Variants in COPE observed in about 807,000 individuals in gnomAD.
COPE encodes the protein coatomer subunit epsilon.
Under a neutral mutation model 42.1 loss-of-function variants are expected in COPE, and 19 were observed. That is an observed-to-expected ratio of 0.45 (90% confidence interval 0.31 to 0.66). COPE has a LOEUF of 0.66. Ranked by LOEUF, COPE falls within the 30% of genes least tolerant of loss-of-function variation. The probability of loss-of-function intolerance (pLI) is 0.05; values close to 1 mark genes in which losing one functional copy is unlikely to be tolerated. For missense variants in COPE, 402 were observed against 416.1 expected, an observed-to-expected ratio of 0.97 and a Z score of 0.30; for synonymous variants, 195 against 181.3, an observed-to-expected ratio of 1.08 and a Z score of -0.60.
intron 1 of COPE, 116 bp from the exon 2 acceptor site, chr19:18,913,162 T>G (rs1601232230): frequency 1.1e-6 from 1 of 906,328 alleles, no homozygotes; most frequent in Non-Finnish European, 1.8e-6. Context: ...TCCGGCAGGG[T>G]TGGAGGTCTG....
chr19:18,911,123 A>G (rs763526068), intron 2 of COPE, 52 bp from the exon 3 acceptor site: 10 of 1,534,906 alleles, frequency 6.5e-6, no homozygotes, highest in Non-Finnish European at 9.0e-6. Flanking sequence ...GAGGATTTCC[A>G]TGTCTTCAGC....
intron 8 of COPE, 125 bp downstream of exon 8, chr19:18,900,256 T>G (rs1601204947): frequency 1.3e-6 from 1 of 772,780 alleles, no homozygotes; most frequent in Non-Finnish European, 2.1e-6. Flanking sequence ...GTGAGGGAGG[T>G]GGGCTGCGGT....
chr19:18,907,230 GAGC>G, intron 3 of COPE, 118 bp from the exon 4 acceptor site: 1 of 1,094,058 alleles, frequency 9.1e-7, no homozygotes, highest in African/African-American at 1.6e-5. Context: ...TGGGGGTGCA[GAGC>G]AGCAGCAGGC....
intron 1 of COPE, 85 bp downstream of exon 1, chr19:18,919,138 T>G: frequency 6.8e-7 from 1 of 1,468,964 alleles, no homozygotes; most frequent in Non-Finnish European, 9.3e-7. Flanking sequence ...AGAGAAAGTT[T>G]TTAGACGCAG....
chr19:18,912,901 CCCA>C, intron 2 of COPE, 80 bp downstream of exon 2: 2 of 1,385,286 alleles, frequency 1.4e-6, no homozygotes, highest in Non-Finnish European at 2.0e-6. Flanking sequence ...GTCCCCGCCA[CCCA>C]CTCTGTGGTG....
chr19:18,913,016 C>G lies in COPE; in HGVS notation c.157G>C (p.Asp53His). 1 of 1,611,906 alleles carries G rather than the reference C, an allele frequency of 6.2e-7. No individual in the cohort carries two copies. Among genetic ancestry groups the G allele is most frequent in the Non-Finnish European group, 8.5e-7 (1 of 1,179,902 alleles). The stretch of plus-strand genomic sequence containing the variant: ...AGGTACGCTCTATACAGGAAGACGT[C>G]CCTCTCCACGTCTCTCTCTGGGCTT... The part of the protein sequence containing the change: ...LSSPERDVER[D>H]VFLYRAYLAQ... The change falls in exon 2 of 10, where the codon GAC (aspartate) becomes CAC (histidine). Residue 53 changes from aspartate (D) to histidine (H), a missense_variant. Asp to His is a moderately conservative substitution (Grantham distance 81). Transcript: ENST00000262812.
chr19:18,917,654 C>A (rs1314810127), intron 1 of COPE, among the ~76,000 whole-genome samples: 2 of 151,982 alleles, frequency 1.3e-5, no homozygotes, highest in African/African-American at 4.8e-5. Flanking sequence ...TGAACCACCG[C>A]GCCCGGCCAG....
chr19:18,907,326 G>A lies in COPE; in HGVS notation c.291-214C>T, dbSNP rs1183081893. The stretch of plus-strand genomic sequence containing the variant: ...CTGGGCCAGGCAAGGACCCGAGGCC[G>A]GGAGATGTGGGGTGGGGCGCTCCAA... On this transcript the variant is annotated intron_variant, in intron 3 of 9. Transcript: ENST00000262812. Among the ~76,000 whole-genome samples the A allele has an allele frequency of 2.6e-5, 4 of 152,122 alleles. No homozygotes were observed. The East Asian group carries it at 5.8e-4, about 22-fold the overall frequency.
chr19:18,903,253 C>A lies in COPE; in HGVS notation c.735+15G>T. On this transcript the variant is annotated intron_variant, in intron 7 of 9. Transcript: ENST00000262812. The stretch of plus-strand genomic sequence containing the variant: ...CCTTCCCTCCGTCCCCACTCTGGGA[C>A]AGGCTTGTGCCTACCTTGTCTAGCG... 1 of 1,559,412 alleles carries A rather than the reference C, an allele frequency of 6.4e-7. No homozygotes were observed. The highest frequency in any genetic ancestry group is 8.7e-7 in the Non-Finnish European group (1 of 1,152,458).
At chr19:18,917,281 A>T in intron 1 of COPE, among the ~76,000 whole-genome samples, 1 of 124,908 alleles carries the variant, frequency 8.0e-6, no homozygotes. Flanking sequence ...CTCACTTTTG[A>T]CATAGTAAGA....
chr19:18,914,801 GTTGGAGTGCAGTGGCGTGTATC>G (rs1334615145), intron 1 of COPE, among the ~76,000 whole-genome samples: 7 of 148,690 alleles, frequency 4.7e-5, no homozygotes, highest in Admixed American at 2.0e-4. Context: ...TGTCACCCAG[GTTGGAGTGCAGTGGCGTGTATC>G]TCGGCTCACT....
At chr19:18,908,178 C>A (rs2056778316) in intron 3 of COPE, among the ~76,000 whole-genome samples, 1 of 152,136 alleles carries the variant, frequency 6.6e-6, no homozygotes, top group Admixed American at 6.5e-5. Context: ...ACACCTGTAA[C>A]CCCAGCGCTT....
rs553710496 is a variant in COPE at position 18,910,788 on chromosome 19, C to T, written c.290+183G>A. ...CCTTTGAAGCAGGATCCATCACCAG[C>T]CCCCCACTGCTGTGCAGGTGAGGGA... is the stretch of plus-strand genomic sequence containing the variant. On this transcript the variant is annotated intron_variant, in intron 3 of 9. Transcript: ENST00000262812. 20 of 611,300 alleles carry T rather than the reference C, an allele frequency of 3.3e-5. No individual in the cohort carries two copies. The African/African-American group carries it at 3.7e-4, about 11-fold the overall frequency. 37.9% of individuals were successfully genotyped at this position (611,300 alleles called of 1,614,324 possible). A position where few individuals can be genotyped will look rare whatever the true frequency, so the allele number is the denominator to read the frequency against.
At chr19:18,900,228 T>C (rs896472751) in intron 8 of COPE, among the ~76,000 whole-genome samples, 153 bp downstream of exon 8, 3 of 150,718 alleles carry the variant, frequency 2.0e-5, no homozygotes, top group South Asian at 2.1e-4. Context: ...TGAGGATGGG[T>C]TGGGGGGCAC....
chr19:18,919,236 GCCT>G lies in COPE; in HGVS notation c.110_112del (p.Glu37del). ...GCGCGGCCGCACCTTCACCCGCTGC[GCCT>G]CGTTTATGCACTGCTGGTAGCTGCC... On this transcript the variant is annotated inframe_deletion, in exon 1 of 10. Transcript: ENST00000262812. The G allele has an allele frequency of 1.2e-6, 2 of 1,611,940 alleles. No homozygotes were observed. The highest frequency in any genetic ancestry group is 1.7e-6 in the Non-Finnish European group (2 of 1,178,914).
At chr19:18,900,480 G>C (rs1313362194) in intron 7 of COPE, 31 bp from the exon 8 acceptor site, 3 of 1,526,448 alleles carry the variant, frequency 2.0e-6, no homozygotes, top group African/African-American at 1.4e-5. Context: ...GGGGAGGCAG[G>C]GTCAGCCACT....
At chr19:18,914,506 A>G (rs1465099041) in intron 1 of COPE, among the ~76,000 whole-genome samples, 1 of 151,890 alleles carries the variant, frequency 6.6e-6, no homozygotes, top group Non-Finnish European at 1.5e-5. Flanking sequence ...ACGCCATTGC[A>G]CTCCAGCCTA....
chr19:18,900,046 C>T, intron 8 of COPE, 99 bp from the exon 9 acceptor site: 2 of 1,017,510 alleles, frequency 2.0e-6, no homozygotes, highest in South Asian at 1.5e-5. Context: ...GCCACAGTAC[C>T]CCAGGGGGCT....
At chr19:18,911,851 CTTT>C (rs537294392) in intron 2 of COPE, among the ~76,000 whole-genome samples, 5 of 136,326 alleles carry the variant, frequency 3.7e-5, no homozygotes, top group Non-Finnish European at 3.2e-5. Flanking sequence ...CACGCCCGGC[CTTT>C]TTTTTTTTTT....
Sources: gnomAD v4.1 joint callset for allele counts (sites outside exome capture counted in the v4.1 genomes callset) on GRCh38, gnomAD v4.1.1 for gene constraint, MANE v1.5 for transcripts, NCBI Gene and HGNC (gene_info 2026-07-23, HGNC 2026-07-21) for gene names.